CACNA1C: variants seen among roughly 807,000 people sequenced by gnomAD.
The protein encoded by CACNA1C is calcium voltage-gated channel subunit alpha1 C.
A neutral mutation model predicts 229.0 loss-of-function variants in CACNA1C; 30 were observed. That is an observed-to-expected ratio of 0.13 (90% CI 0.10 to 0.18). CACNA1C has a LOEUF of 0.18. CACNA1C is among the 10% of genes least tolerant of loss of function. The pLI, the probability that CACNA1C is intolerant of heterozygous loss-of-function variation, is 1.00. For missense variants in CACNA1C, 1,658 were observed against 2,845.0 expected (o/e 0.58, Z 9.49); for synonymous variants, 1,114 against 1,132.5 (o/e 0.98, Z 0.33).
intron 1 of CACNA1C, among the ~76,000 whole-genome samples, chr12:2,101,194 G>T (rs2076287267): frequency 6.6e-6 from 1 of 152,120 alleles, no homozygotes; most frequent in South Asian, 2.1e-4. Flanking sequence ...CATTTCTCCA[G>T]TGACGGGCTT....
At chr12:2,096,079 G>T (rs2154088736) in intron 1 of CACNA1C, among the ~76,000 whole-genome samples, 1 of 152,310 alleles carries the variant, frequency 6.6e-6, no homozygotes, top group South Asian at 2.1e-4. Context: ...GGTGCCCAGA[G>T]TGGAGCTTTT....
chr12:2,578,070 G>A (rs371982471), intron 13 of CACNA1C, among the ~76,000 whole-genome samples: 38 of 151,856 alleles, frequency 2.5e-4, no homozygotes, highest in East Asian at 2.1e-3. Context: ...GGGTTTCACC[G>A]TGTTAGCCAG....
At chr12:2,336,640 G>A (rs555839707) in intron 3 of CACNA1C, among the ~76,000 whole-genome samples, 4 of 152,150 alleles carry the variant, frequency 2.6e-5, no homozygotes, top group Non-Finnish European at 4.4e-5. Context: ...TTGCCCTTCC[G>A]GAAGGCTCTT....
At chr12:2,627,772 C>T (rs542731721) in intron 29 of CACNA1C, among the ~76,000 whole-genome samples, 2 of 152,138 alleles carry the variant, frequency 1.3e-5, no homozygotes, top group African/African-American at 4.8e-5. Context: ...TCAGAGGACC[C>T]GTTGTCCTTT....
At chr12:2,588,420 T>A (rs967063583) in intron 18 of CACNA1C, among the ~76,000 whole-genome samples, 9 of 152,176 alleles carry the variant, frequency 5.9e-5, no homozygotes, top group Admixed American at 2.6e-4. Flanking sequence ...TCCCTCCCTG[T>A]CTCTCTCTTG....
chr12:2,236,429 C>A (rs946865049), intron 3 of CACNA1C, among the ~76,000 whole-genome samples: 8 of 152,136 alleles, frequency 5.3e-5, no homozygotes, highest in Admixed American at 5.2e-4. Context: ...TAGAATAATA[C>A]CAGTAAGAAT....
At chr12:2,241,098 G>A (rs2069887552) in intron 3 of CACNA1C, among the ~76,000 whole-genome samples, 1 of 152,108 alleles carries the variant, frequency 6.6e-6, no homozygotes. Flanking sequence ...AAGAGGGCAA[G>A]CATTTCCTTG....
intron 1 of CACNA1C, chr12:1,991,862 T>G (rs1381141222): frequency 6.3e-6 from 1 of 159,062 alleles, no homozygotes; most frequent in Non-Finnish European, 1.4e-5. Context: ...TACCTATAAC[T>G]GATCAGACCA....
intron 3 of CACNA1C, among the ~76,000 whole-genome samples, chr12:2,312,157 G>A (rs564210351): frequency 1.5e-4 from 23 of 152,242 alleles, no homozygotes; most frequent in Non-Finnish European, 2.2e-4. Context: ...CTTCACACCC[G>A]CTCCGAGTTT....
At chr12:1,973,804 G>T (rs573581874) in intron 1 of CACNA1C, among the ~76,000 whole-genome samples, 2 of 152,190 alleles carry the variant, frequency 1.3e-5, no homozygotes, top group East Asian at 3.9e-4. Flanking sequence ...TGCTTTGTTG[G>T]CCACTTAAAT....
At chr12:2,536,398 G>A (rs964302358) in intron 9 of CACNA1C, among the ~76,000 whole-genome samples, 4 of 152,272 alleles carry the variant, frequency 2.6e-5, no homozygotes, top group African/African-American at 9.6e-5. Flanking sequence ...TGGCCTCTCC[G>A]TGATGTGCAT....
Position 2,653,691 on chromosome 12 carries a change from C to G in CACNA1C, c.4075-144C>G. The G allele has an allele frequency of 1.5e-6, 1 of 686,790 alleles. No individual in the cohort carries two copies. The highest frequency in any genetic ancestry group is 2.6e-6 in the Non-Finnish European group (1 of 384,702). The allele number at this position is 686,790 out of a possible 1,614,324, so 42.5% of individuals were successfully genotyped here. A position where few individuals can be genotyped will look rare whatever the true frequency, so the allele number is the denominator to read the frequency against. On this transcript the variant is annotated intron_variant, in intron 32 of 46. Coordinates refer to ENST00000399655, the MANE Select transcript of CACNA1C (RefSeq NM_000719.7). This position sits in a 1 kb window ranked among gnomAD's most constrained non-coding sequence, Gnocchi z 4.7. The stretch of plus-strand genomic sequence containing the variant: ...GACCTTCTCGCAGGTTCCCCGTAGT[C>G]CTGTGGGACTCTTGGAAGTGTCCCC...
chr12:2,028,516 T>C (rs2047702451), intron 1 of CACNA1C, among the ~76,000 whole-genome samples: 1 of 152,310 alleles, frequency 6.6e-6, no homozygotes, highest in East Asian at 1.9e-4. Context: ...TATTATCCTA[T>C]TTACTATTGA....
intron 29 of CACNA1C, among the ~76,000 whole-genome samples, chr12:2,617,588 C>T (rs1371670193): frequency 6.6e-6 from 1 of 152,228 alleles, no homozygotes; most frequent in Non-Finnish European, 1.5e-5. Context: ...AGTCTTTTCT[C>T]TGCAGGCTCT....
At chr12:2,436,177 G>A (rs1280889225) in intron 3 of CACNA1C, among the ~76,000 whole-genome samples, 1 of 152,170 alleles carries the variant, frequency 6.6e-6, no homozygotes, top group African/African-American at 2.4e-5. Flanking sequence ...CTACTAATTG[G>A]GAATCCTTAT....
At chr12:2,118,145 G>A (rs4126711) in intron 2 of CACNA1C, among the ~76,000 whole-genome samples, 89,732 of 152,092 alleles carry the variant, frequency 0.59, 28,160 homozygotes, top group Non-Finnish European at 0.69. Context: ...AGTGAAGGAT[G>A]GATAGGTGGA....
At chr12:2,002,908 C>CA (rs2042507232) in intron 1 of CACNA1C, among the ~76,000 whole-genome samples, 1 of 150,282 alleles carries the variant, frequency 6.7e-6, no homozygotes, top group African/African-American at 2.5e-5. Context: ...AAAAAACAAA[C>CA]AAACAAAAAC....
At chr12:2,643,857 A>C (rs1268181256) in intron 30 of CACNA1C, among the ~76,000 whole-genome samples, 1 of 152,116 alleles carries the variant, frequency 6.6e-6, no homozygotes. Flanking sequence ...ATCACCTCCG[A>C]GGTCTCTCCC....
chr12:2,557,234 G>C (rs1049969940), intron 11 of CACNA1C, among the ~76,000 whole-genome samples: 7 of 152,222 alleles, frequency 4.6e-5, no homozygotes, highest in African/African-American at 1.4e-4. Flanking sequence ...GAAGTTGTCA[G>C]ACCAAATGTG....
Sources: gnomAD v4.1 joint callset for allele counts (sites outside exome capture counted in the v4.1 genomes callset) on GRCh38, gnomAD v4.1.1 for gene constraint, Gnocchi (gnomAD v3.1) non-coding constraint, MANE v1.5 for transcripts, NCBI Gene and HGNC (gene_info 2026-07-23, HGNC 2026-07-21) for gene names.